CDH13: variants seen among roughly 807,000 people sequenced by gnomAD.
The protein encoded by CDH13 is cadherin-13.
In CDH13, 24 loss-of-function variants were observed where a neutral mutation model predicts 63.8. The observed-to-expected ratio is 0.38, with a 90% confidence interval of 0.27 to 0.53. The LOEUF is 0.53. Among genes scored for constraint, CDH13 ranks in the 20% least tolerant of loss-of-function variants. CDH13 has a pLI of 0.85. For missense variants in CDH13, 1,049 were observed against 903.1 expected, an observed-to-expected ratio of 1.16 and a Z score of -2.07; for synonymous variants, 503 against 355.3, an observed-to-expected ratio of 1.42 and a Z score of -4.67.
Position 83,486,469 on chromosome 16 carries a change from C to T in CDH13, c.782-8C>T. Reference sequence around the variant, plus strand: ...ACCATTCCGTGCCTTTCTGTCTTGCCCCGGTAGGCACCACAGTGATGCGGA... The same window carrying T: ...ACCATTCCGTGCCTTTCTGTCTTGCTCCGGTAGGCACCACAGTGATGCGGA... On this transcript the variant is annotated splice_polypyrimidine_tract_variant and splice_region_variant and intron_variant, in intron 6 of 13. Coordinates refer to ENST00000567109, the MANE Select transcript of CDH13 (RefSeq NM_001257.5). 1 of 1,609,772 alleles carries T rather than the reference C, an allele frequency of 6.2e-7. No homozygotes were observed. The highest frequency in any genetic ancestry group is 8.5e-7 in the Non-Finnish European group (1 of 1,177,340).
At chr16:83,671,943 G>C (rs1212894676) in intron 9 of CDH13, among the ~76,000 whole-genome samples, 1 of 152,194 alleles carries the variant, frequency 6.6e-6, no homozygotes, top group African/African-American at 2.4e-5. Context: ...CACTCTTTCT[G>C]GGAAGTTCTG....
intron 13 of CDH13, among the ~76,000 whole-genome samples, chr16:83,790,604 C>T (rs185770747): frequency 5.7e-4 from 87 of 152,160 alleles, no homozygotes; most frequent in African/African-American, 1.9e-3. Context: ...GGGGTTTCAC[C>T]GTGTTAGCCT....
At position 83,623,151 on chromosome 16, in the gene CDH13, A is replaced by T. The variant is rs540979897; in HGVS notation, c.1101+20557A>T. Among the ~76,000 whole-genome samples the T allele has an allele frequency of 2.0e-4, 31 of 152,162 alleles. 1 individual carries two copies. Among genetic ancestry groups the T allele is most frequent in the Non-Finnish European group, 3.5e-4 (24 of 67,974 alleles). On this transcript the variant is annotated intron_variant, in intron 8 of 13. Transcript: ENST00000567109. ...CAGGAAGAGCAAACATTGTGTGCAG[A>T]TGCCCTGAGGCATACAAGAGCCCGG...
intron 1 of CDH13, among the ~76,000 whole-genome samples, chr16:82,809,157 C>G (rs1327715228): frequency 6.6e-6 from 1 of 152,068 alleles, no homozygotes; most frequent in Non-Finnish European, 1.5e-5. Context: ...TTTCACTCCT[C>G]CCCAACATTG....
chr16:83,743,748 C>CTTTTTTCTTTTTTTTTTTTTTTTTTTTT (rs1912281994), intron 10 of CDH13, among the ~76,000 whole-genome samples: 1 of 76,258 alleles, frequency 1.3e-5, no homozygotes, highest in African/African-American at 5.5e-5. Context: ...TTTCTTTTTT[C>CTTTTTTCTTTTTTTTTTTTTTTTTTTTT]TTTTTTTTTT....
intron 6 of CDH13, among the ~76,000 whole-genome samples, chr16:83,361,647 G>T (rs905763028): frequency 6.6e-6 from 1 of 152,074 alleles, no homozygotes; most frequent in Non-Finnish European, 1.5e-5. Context: ...TCTGAATATG[G>T]CTATCCAGGT....
intron 6 of CDH13, among the ~76,000 whole-genome samples, chr16:83,438,838 A>G (rs1230349733): frequency 6.6e-6 from 1 of 152,242 alleles, no homozygotes; most frequent in Non-Finnish European, 1.5e-5. Flanking sequence ...CATTGAAAGA[A>G]CAGAACAATC....
intron 3 of CDH13, among the ~76,000 whole-genome samples, chr16:83,097,604 C>G (rs1035483140): frequency 6.6e-6 from 1 of 152,194 alleles, no homozygotes; most frequent in African/African-American, 2.4e-5. Context: ...ACTTTCACAG[C>G]TTGCCTGACT....
intron 2 of CDH13, among the ~76,000 whole-genome samples, chr16:82,860,527 C>T (rs1178144662): frequency 6.6e-6 from 1 of 151,772 alleles, no homozygotes; most frequent in Non-Finnish European, 1.5e-5. Flanking sequence ...CAGAAAAAGT[C>T]AGTGATATGA....
intron 4 of CDH13, among the ~76,000 whole-genome samples, chr16:83,190,509 G>A (rs2038664950): frequency 6.6e-6 from 1 of 152,120 alleles, no homozygotes; most frequent in Admixed American, 6.5e-5. Flanking sequence ...TTGAGCGCCT[G>A]CCCTATGCCC....
chr16:82,918,764 C>A (rs936593975), intron 2 of CDH13, among the ~76,000 whole-genome samples: 3 of 152,090 alleles, frequency 2.0e-5, no homozygotes, highest in Non-Finnish European at 4.4e-5. Context: ...CTACCTCAAC[C>A]CCCCGACAAA....
chr16:83,117,386 T>A (rs960873211), intron 3 of CDH13, among the ~76,000 whole-genome samples: 16 of 138,212 alleles, frequency 1.2e-4, no homozygotes, highest in Admixed American at 6.1e-4. Flanking sequence ...GGCCCATTCT[T>A]CCTCCATCTT....
chr16:83,735,779 G>C (rs1319605343), intron 10 of CDH13: 1 of 152,208 alleles, frequency 6.6e-6, no homozygotes, highest in African/African-American at 2.4e-5. Context: ...TGACCAGGTA[G>C]ATACCAGGAG....
chr16:82,676,529 C>T (rs907460745), intron 1 of CDH13, among the ~76,000 whole-genome samples: 3 of 150,110 alleles, frequency 2.0e-5, no homozygotes, highest in Non-Finnish European at 3.0e-5. Context: ...CAATCTGGCC[C>T]CCCAGATGGT....
chr16:83,188,561 C>T (rs2038599210), intron 4 of CDH13, among the ~76,000 whole-genome samples: 1 of 152,114 alleles, frequency 6.6e-6, no homozygotes. Flanking sequence ...GCTTAAAGCC[C>T]CATGCCAGGC....
intron 6 of CDH13, among the ~76,000 whole-genome samples, chr16:83,379,938 T>TATAGAGAGAGAGAGAG: frequency 8.9e-5 from 11 of 123,440 alleles, no homozygotes; most frequent in African/African-American, 1.3e-4. Flanking sequence ...TATATATATA[T>TATAGAGAGAGAGAGAG]AGAGAGAGAG....
chr16:82,825,978 C>G (rs1391826889), intron 1 of CDH13: 1 of 152,156 alleles, frequency 6.6e-6, no homozygotes, highest in Non-Finnish European at 1.5e-5. Context: ...CTCACCCTCC[C>G]AAGTAGCTGG....
At chr16:83,301,020 C>G (rs151148373) in intron 5 of CDH13, among the ~76,000 whole-genome samples, 1 of 96,088 alleles carries the variant, frequency 1.0e-5, no homozygotes, top group Non-Finnish European at 2.0e-5. Context: ...ATATAACTTT[C>G]TGGGGTTTTT....
chr16:83,588,184 A>C (rs1179244132), intron 7 of CDH13, among the ~76,000 whole-genome samples: 1 of 152,184 alleles, frequency 6.6e-6, no homozygotes, highest in African/African-American at 2.4e-5. Flanking sequence ...CCAAAGGAGA[A>C]GGACCTTCCC....
Sources: allele counts gnomAD v4.1 joint callset (sites outside exome capture counted in the v4.1 genomes callset), GRCh38; gene constraint gnomAD v4.1.1; transcripts MANE v1.5; gene names NCBI Gene and HGNC (gene_info 2026-07-23, HGNC 2026-07-21).